Variants in TTC28 observed in about 807,000 individuals in gnomAD.
TTC28 encodes tetratricopeptide repeat domain 28.
TTC28 carries 61 observed loss-of-function variants against 198.0 expected under a neutral mutation model. The ratio of observed to expected loss-of-function variants is 0.31; its 90% CI spans 0.25 to 0.38. The LOEUF (loss-of-function observed/expected upper bound fraction) is 0.38, where lower values mean the gene tolerates loss of function less well. Ranked by LOEUF, TTC28 falls within the 10% of genes least tolerant of loss-of-function variation. The probability of loss-of-function intolerance (pLI) is 1.00; values close to 1 mark genes in which losing one functional copy is unlikely to be tolerated. For missense variants in TTC28, 2,678 were observed against 3,164.0 expected (o/e 0.85, Z 3.69); for synonymous variants, 1,171 against 1,297.8 (o/e 0.90, Z 2.10).
chr22:28,217,835 T>C (rs1414014637), intron 5 of TTC28, among the ~76,000 whole-genome samples: 1 of 152,178 alleles, frequency 6.6e-6, no homozygotes, highest in Non-Finnish European at 1.5e-5. Flanking sequence ...ATCCTTTACA[T>C]GCTAATATAA....
chr22:28,464,087 C>T (rs1364559909), intron 2 of TTC28, among the ~76,000 whole-genome samples: 4 of 152,142 alleles, frequency 2.6e-5, no homozygotes, highest in Non-Finnish European at 5.9e-5. Flanking sequence ...GAGTAAATTA[C>T]AACAGCACCA....
At chr22:28,428,891 C>T (rs907582564) in intron 2 of TTC28, among the ~76,000 whole-genome samples, 3 of 152,102 alleles carry the variant, frequency 2.0e-5, no homozygotes, top group African/African-American at 7.2e-5. Flanking sequence ...CTGCCCGCCT[C>T]GGCCTCCCAA....
chr22:28,097,328 C>T, intron 10 of TTC28, among the ~76,000 whole-genome samples: 1 of 152,204 alleles, frequency 6.6e-6, no homozygotes, highest in East Asian at 1.9e-4. Flanking sequence ...GGCCTACTTA[C>T]ATCACTACAT....
Position 28,107,771 on chromosome 22 carries a change from T to C in TTC28, c.2074A>G (p.Lys692Glu), listed in dbSNP as rs1163301445. The change falls in exon 7 of 23, where the codon AAA becomes GAA. Residue 692 changes from lysine (K) to glutamate (E), a missense_variant. By Grantham distance (56) the Lys-to-Glu change is moderately conservative. Around this residue, in one of 8 missense-constraint regions of TTC28, gnomAD observed 775 missense variants for 845.9 expected, o/e 0.92. Transcript: ENST00000397906. Reference sequence around the variant, plus strand: ...AGGTACTTCTGACACTCTTCAGCTTTACTGAAATTCAGCAGAGCCTTGAAT... The same window carrying C: ...AGGTACTTCTGACACTCTTCAGCTTCACTGAAATTCAGCAGAGCCTTGAAT... ...LAFKALLNFS[K>E]AEECQKYLLS... is the part of the protein sequence containing the mutation. 3.9e-6 allele frequency: 6 copies of C among 1,552,030 alleles called. No homozygotes were observed. The highest frequency in any genetic ancestry group is 5.2e-6 in the Non-Finnish European group (6 of 1,147,060).
rs149032675 is a variant in TTC28 at position 27,988,368 on chromosome 22, A to G, written c.5707+1510T>C. Among the ~76,000 whole-genome samples the G allele has an allele frequency of 1.6e-4, 24 of 150,224 alleles. No individual in the cohort carries two copies. In the East Asian group the frequency reaches 4.7e-3, roughly 30 times the overall value. Reference sequence around the variant, plus strand: ...AGTGGCGCGATCTCGGCTCACAGCAACCTCCGCCTCCTGGGTTCAAATGAT... The same window carrying G: ...AGTGGCGCGATCTCGGCTCACAGCAGCCTCCGCCTCCTGGGTTCAAATGAT... On this transcript the variant is annotated intron_variant, in intron 21 of 22. Coordinates refer to ENST00000397906, the MANE Select transcript of TTC28 (RefSeq NM_001145418.2).
intron 5 of TTC28, among the ~76,000 whole-genome samples, chr22:28,264,012 G>A (rs770718504): frequency 1.2e-4 from 18 of 152,204 alleles, no homozygotes; most frequent in East Asian, 1.9e-4. Context: ...GGTGAAAAAC[G>A]GGGAGTGGGG....
intron 12 of TTC28, among the ~76,000 whole-genome samples, chr22:28,034,953 A>G (rs1449839214): frequency 6.6e-6 from 1 of 152,202 alleles, no homozygotes; most frequent in Non-Finnish European, 1.5e-5. Flanking sequence ...AGAGATGGAA[A>G]TGGCTCATGA....
chr22:28,631,061 G>C (rs750307721), intron 1 of TTC28, among the ~76,000 whole-genome samples: 2 of 152,118 alleles, frequency 1.3e-5, no homozygotes, highest in Non-Finnish European at 1.5e-5. Context: ...TAATACTATA[G>C]TGTGCTACAA....
At chr22:28,452,508 G>T (rs2047798017) in intron 2 of TTC28, among the ~76,000 whole-genome samples, 1 of 148,986 alleles carries the variant, frequency 6.7e-6, no homozygotes, top group African/African-American at 2.5e-5. Context: ...CATAGGAAAA[G>T]AAAGTCAATA....
intron 2 of TTC28, among the ~76,000 whole-genome samples, chr22:28,317,883 A>G (rs1389874967): frequency 6.6e-6 from 1 of 152,014 alleles, no homozygotes; most frequent in East Asian, 1.9e-4. Context: ...CTTCCTGAGA[A>G]TTTAGATGCC....
intron 2 of TTC28, among the ~76,000 whole-genome samples, chr22:28,611,883 G>A (rs1448432993): frequency 6.6e-6 from 1 of 151,944 alleles, no homozygotes; most frequent in Non-Finnish European, 1.5e-5. Flanking sequence ...TCACCAGCAG[G>A]CCTGCCTTAC....
intron 5 of TTC28, among the ~76,000 whole-genome samples, chr22:28,225,658 AGTGTACAACTTGTAAGCTCTGACATAT>A (rs1266073946): frequency 2.6e-5 from 4 of 152,248 alleles, no homozygotes; most frequent in Non-Finnish European, 4.4e-5. Flanking sequence ...CATATATTGA[AGTGTACAACTTGTAAGCTCTGACATAT>A]GTGTACACTT....
intron 2 of TTC28, among the ~76,000 whole-genome samples, chr22:28,426,591 G>A (rs1601383598): frequency 6.6e-6 from 1 of 152,086 alleles, no homozygotes; most frequent in African/African-American, 2.4e-5. Context: ...AGGAATAAGG[G>A]AACCACTCGG....
intron 5 of TTC28, among the ~76,000 whole-genome samples, chr22:28,249,106 G>A (rs1347585729): frequency 6.6e-6 from 1 of 152,060 alleles, no homozygotes; most frequent in Non-Finnish European, 1.5e-5. Flanking sequence ...GACAAAGCGA[G>A]TACCATAACT....
At chr22:28,311,782 C>T (rs545327923) in intron 2 of TTC28, among the ~76,000 whole-genome samples, 1 of 151,994 alleles carries the variant, frequency 6.6e-6, no homozygotes, top group South Asian at 2.1e-4. Context: ...TATTTTTTTA[C>T]TCATTAACTA....
Position 27,983,570 on chromosome 22 carries a change from T to A in TTC28, c.6097A>T (p.Arg2033Ter). The A allele has an allele frequency of 6.4e-7, 1 of 1,551,234 alleles. No individual in the cohort carries two copies. Among genetic ancestry groups the A allele is most frequent in the Non-Finnish European group, 8.7e-7 (1 of 1,146,836 alleles). Residue 2033 changes from arginine (R) to a stop codon, truncating the protein, a stop_gained, in exon 23 of 23, where the codon AGA becomes TGA. Transcript: ENST00000397906. LOFTEE classifies it low-confidence loss of function (END_TRUNC). ...AGCTGGCTCCTAGGCAGGGTGGATC[T>A]CTGCAGGTAAGCGTTCTTGGACCGG... Reference protein sequence around the residue: ...HDRSKNAYLQRSTLPRSQLPP... With the variant: ...HDRSKNAYLQ
At position 28,357,315 on chromosome 22, in the gene TTC28, A is replaced by ATTTTTTT. The variant is rs11415868; in HGVS notation, c.382-50679_382-50673dup. ...AGAAATCACTTTTATCAAATTTCTTATTTTTTTTTTTTTTTTTTTTTGAGA... is the reference window on the plus strand; with the variant it reads ...AGAAATCACTTTTATCAAATTTCTTATTTTTTTTTTTTTTTTTTTTTTTTTTTTGAGA... On this transcript the variant is annotated intron_variant, in intron 2 of 22. Transcript: ENST00000397906. Among the ~76,000 whole-genome samples the ATTTTTTT allele has an allele frequency of 1.1e-4, 13 of 113,474 alleles. 4 individuals are homozygous for ATTTTTTT. Among genetic ancestry groups the ATTTTTTT allele is most frequent in the Non-Finnish European group, 1.9e-4 (11 of 58,178 alleles). 74.4% of individuals were successfully genotyped at this position (113,474 alleles called of 152,430 possible).
At chr22:28,021,993 A>C (rs1938625252) in intron 13 of TTC28, among the ~76,000 whole-genome samples, 1 of 152,204 alleles carries the variant, frequency 6.6e-6, no homozygotes, top group Non-Finnish European at 1.5e-5. Context: ...ATCCTCTTCC[A>C]GCCCTCAGCC....
rs2047972422 is a variant in TTC28 at position 28,463,169 on chromosome 22, C to G, written c.382-156526G>C. 3.9e-5 allele frequency among the ~76,000 whole-genome samples: 6 copies of G among 152,222 alleles called. No homozygotes were observed. The South Asian group carries it at 1.2e-3, about 31-fold the overall frequency. On this transcript the variant is annotated intron_variant, in intron 2 of 22. Transcript: ENST00000397906. ...GGATGCTGAAAGAAGTTGAAAGAAACAGAGCTGGAACTTACTATCTCACAT... is the reference window on the plus strand; with the variant it reads ...GGATGCTGAAAGAAGTTGAAAGAAAGAGAGCTGGAACTTACTATCTCACAT...
Sources: gnomAD v4.1 joint callset for allele counts (sites outside exome capture counted in the v4.1 genomes callset) on GRCh38, gnomAD v4.1.1 for gene constraint, gnomAD v4.1.1 regional missense constraint, MANE v1.5 for transcripts, NCBI Gene and HGNC (gene_info 2026-07-23, HGNC 2026-07-21) for gene names.